Variants in TAFA2 observed in about 807,000 individuals in gnomAD.
TAFA2 encodes the protein chemokine-like protein TAFA-2.
TAFA2 carries 7 observed loss-of-function variants against 18.8 expected under a neutral mutation model. That is an observed-to-expected ratio of 0.37 (90% CI 0.21 to 0.70). The LOEUF (loss-of-function observed/expected upper bound fraction) is 0.70. Ranked by LOEUF, TAFA2 falls within the 30% of genes least tolerant of loss-of-function variation. The pLI is 0.53. For synonymous variants in TAFA2, 60 were observed against 54.2 expected, an observed-to-expected ratio of 1.11 and a Z score of -0.47; for missense variants, 122 against 158.1, an observed-to-expected ratio of 0.77 and a Z score of 1.23.
At chr12:62,025,904 G>T (rs1471021251) in intron 1 of TAFA2, among the ~76,000 whole-genome samples, 2 of 152,006 alleles carry the variant, frequency 1.3e-5, no homozygotes, top group African/African-American at 4.8e-5. Flanking sequence ...CATATGTACT[G>T]CAGAGGAACC....
intron 1 of TAFA2, among the ~76,000 whole-genome samples, chr12:62,158,077 T>G (rs2062383929): frequency 6.6e-6 from 1 of 152,188 alleles, no homozygotes; most frequent in African/African-American, 2.4e-5. Flanking sequence ...CCTATAAACT[T>G]TTCTGGAAAA....
chr12:62,192,375 T>G lies in TAFA2; in HGVS notation c.-1118A>C, dbSNP rs1452182346. 2 of 152,078 alleles carry G rather than the reference T, an allele frequency of 1.3e-5. No homozygotes were observed. The highest frequency in any genetic ancestry group is 4.8e-5 in the African/African-American group (2 of 41,384). The allele number at this position is 152,078 out of a possible 1,614,324, so 9.4% of individuals were successfully genotyped here. On this transcript the variant is annotated 5_prime_UTR_variant, in exon 1 of 5. Coordinates refer to ENST00000416284, the MANE Select transcript of TAFA2 (RefSeq NM_178539.5). Reference sequence around the variant, plus strand: ...GCGAGCAGGTGTCGCCTGTGTCACTTTGCTAAAGGCGGGAGGGGAGAAAGA... The same window carrying G: ...GCGAGCAGGTGTCGCCTGTGTCACTGTGCTAAAGGCGGGAGGGGAGAAAGA...
chr12:62,223,448 A>T (rs556767319), intron 1 of TAFA2, among the ~76,000 whole-genome samples: 34 of 152,304 alleles, frequency 2.2e-4, no homozygotes, highest in African/African-American at 7.9e-4. Context: ...AAATGAAGTG[A>T]TTTTTGACAA....
chr12:61,949,250 C>T (rs774470396), intron 1 of TAFA2, among the ~76,000 whole-genome samples: 1 of 152,096 alleles, frequency 6.6e-6, no homozygotes, highest in Middle Eastern at 3.2e-3. Context: ...TGAGCTGGAA[C>T]ATCAATCTTT....
intron 1 of TAFA2, among the ~76,000 whole-genome samples, chr12:62,010,642 G>T (rs12823651): frequency 6.7e-6 from 1 of 149,536 alleles, no homozygotes; most frequent in Non-Finnish European, 1.5e-5. Context: ...GAGCGCCTCT[G>T]CCCGGCCGCC....
chr12:62,197,947 A>T (rs2062655552), intron 1 of TAFA2, among the ~76,000 whole-genome samples: 1 of 152,144 alleles, frequency 6.6e-6, no homozygotes, highest in Non-Finnish European at 1.5e-5. Flanking sequence ...CTATGTTTTC[A>T]TTGCTCTTGG....
chr12:62,258,567 T>G lies in TAFA2; in HGVS notation c.-130+196A>C, dbSNP rs148827889. On this transcript the variant is annotated intron_variant, in intron 1 of 5. Coordinates refer to the TAFA2 transcript ENST00000551619. ...CTTTATTGAGGTATAATTCACATAC[T>G]GTACAATTCACCCTGTCATCAATAA... The G allele has an allele frequency of 1.6e-3, 279 of 171,904 alleles. 2 individuals carry two copies. The highest frequency in any genetic ancestry group is 6.4e-3 in the African/African-American group (268 of 41,774). 10.6% of individuals were successfully genotyped at this position (171,904 alleles called of 1,614,324 possible). A position where few individuals can be genotyped will look rare whatever the true frequency, so the allele number is the denominator to read the frequency against.
chr12:62,196,632 G>T (rs1273273180), upstream of TAFA2, among the ~76,000 whole-genome samples: 1 of 152,094 alleles, frequency 6.6e-6, no homozygotes, highest in East Asian at 1.9e-4. Flanking sequence ...AATTAAGTTT[G>T]CCATCTTACA....
intron 2 of TAFA2, among the ~76,000 whole-genome samples, chr12:61,863,321 A>G (rs1373520354): frequency 6.6e-6 from 1 of 152,188 alleles, no homozygotes; most frequent in Admixed American, 6.5e-5. Flanking sequence ...AGAGGAATAT[A>G]TTAGGTATAC....
At chr12:61,938,473 T>C (rs956368088) in intron 1 of TAFA2, among the ~76,000 whole-genome samples, 1 of 151,950 alleles carries the variant, frequency 6.6e-6, no homozygotes, top group East Asian at 1.9e-4. Context: ...TACTTGAGGG[T>C]GGAGAATAAG....
chr12:61,944,372 C>G (rs1250752758), intron 1 of TAFA2, among the ~76,000 whole-genome samples: 3 of 146,050 alleles, frequency 2.1e-5, no homozygotes, highest in Non-Finnish European at 4.5e-5. Context: ...AAAATTGACA[C>G]CCTAACATCA....
At chr12:61,716,235 A>G (rs1230399347) in intron 4 of TAFA2, among the ~76,000 whole-genome samples, 1 of 152,206 alleles carries the variant, frequency 6.6e-6, no homozygotes, top group Non-Finnish European at 1.5e-5. Context: ...CACATATGTT[A>G]CTAGTCTTCT....
Position 61,813,386 on chromosome 12 carries a change from A to G in TAFA2, c.106+53934T>C, listed in dbSNP as rs12426251. On this transcript the variant is annotated intron_variant, in intron 2 of 4. Transcript: ENST00000416284. ...AAGACTTAATCTATATAGTAAGAAT[A>G]TTAACTTTTTTCTGTCATATATACT... is the stretch of plus-strand genomic sequence containing the variant. 8.7e-3 allele frequency among the ~76,000 whole-genome samples: 1,313 copies of G among 151,404 alleles called. 83 individuals carry two copies. The highest frequency in any genetic ancestry group is 0.077 in the Admixed American group (1,168 of 15,254).
chr12:62,112,392 C>T (rs186021801), intron 1 of TAFA2, among the ~76,000 whole-genome samples: 3 of 152,230 alleles, frequency 2.0e-5, no homozygotes, highest in Non-Finnish European at 2.9e-5. Context: ...GTGGGTAACC[C>T]GACCTTTCTC....
intron 1 of TAFA2, among the ~76,000 whole-genome samples, chr12:61,961,037 C>T (rs1214296972): frequency 6.6e-6 from 1 of 151,908 alleles, no homozygotes; most frequent in Non-Finnish European, 1.5e-5. Context: ...TTCCCCATTA[C>T]CTTCCGCCAT....
intron 2 of TAFA2, among the ~76,000 whole-genome samples, chr12:61,783,462 A>T (rs1236258858): frequency 6.6e-6 from 1 of 151,600 alleles, no homozygotes; most frequent in Non-Finnish European, 1.5e-5. Context: ...TATTGTACGA[A>T]TTGGCTTCCT....
chr12:61,722,315 G>T (rs1474454998), intron 4 of TAFA2, among the ~76,000 whole-genome samples: 3 of 152,108 alleles, frequency 2.0e-5, no homozygotes, highest in Non-Finnish European at 4.4e-5. Flanking sequence ...ACAGGCCCCT[G>T]TTTTCTTATC....
At chr12:62,185,321 C>A (rs187918908) in intron 1 of TAFA2, among the ~76,000 whole-genome samples, 1 of 152,166 alleles carries the variant, frequency 6.6e-6, no homozygotes, top group African/African-American at 2.4e-5. Context: ...CTCCCCTTGG[C>A]CTTTGAATTG....
At chr12:61,869,234 G>A (rs911083358) in intron 1 of TAFA2, among the ~76,000 whole-genome samples, 15 of 152,230 alleles carry the variant, frequency 9.9e-5, no homozygotes, top group African/African-American at 3.6e-4. Context: ...TTAAAACCAG[G>A]CTTCCTGCTG....
Sources: gnomAD v4.1 joint callset for allele counts (sites outside exome capture counted in the v4.1 genomes callset) on GRCh38, gnomAD v4.1.1 for gene constraint, MANE v1.5 for transcripts, NCBI Gene and HGNC (gene_info 2026-07-23, HGNC 2026-07-21) for gene names.